Variants in GCN1 observed in about 807,000 individuals in gnomAD.
GCN1 encodes the protein stalled ribosome sensor GCN1.
Under a neutral mutation model 288.4 loss-of-function variants are expected in GCN1, and 90 were observed. The observed-to-expected ratio is 0.31, with a 90% CI of 0.26 to 0.37. The LOEUF (loss-of-function observed/expected upper bound fraction) is 0.37. GCN1 is among the 10% of genes least tolerant of loss of function. GCN1 has a pLI of 1.00. For synonymous variants in GCN1, 1,386 were observed against 1,420.2 expected (o/e 0.98, Z 0.54); for missense variants, 2,586 against 3,419.9 (o/e 0.76, Z 6.08).
chr12:120,161,083 C>A (rs1255533154), intron 22 of GCN1, among the ~76,000 whole-genome samples: 1 of 152,142 alleles, frequency 6.6e-6, no homozygotes, highest in African/African-American at 2.4e-5. Flanking sequence ...CCTGTCAGAA[C>A]CTGCTCTGCC....
chr12:120,162,083 C>T (rs768688841), intron 20 of GCN1, 25 bp from the exon 21 acceptor site: 3 of 1,605,826 alleles, frequency 1.9e-6, no homozygotes, highest in South Asian at 1.1e-5. Flanking sequence ...CAGACATGGT[C>T]AGTGTGTGCC....
rs879838559 is a variant in GCN1, at chr12:120,153,045, C to T, written c.4062+168G>A. On this transcript the variant is annotated intron_variant, in intron 33 of 57. Coordinates refer to ENST00000300648, the MANE Select transcript of GCN1 (RefSeq NM_006836.2). The surrounding 1 kb of genome is among the most constrained non-coding windows in gnomAD (Gnocchi z 4.4). The stretch of plus-strand genomic sequence containing the variant: ...AAGAAACTCCCTCTCCAGGAGTGTT[C>T]CTGACTATAAACCAGGCTCTCCCCT... Among the ~76,000 whole-genome samples the T allele has an allele frequency of 6.6e-6, 1 of 152,148 alleles. No homozygotes were observed. Among genetic ancestry groups the T allele is most frequent in the Non-Finnish European group, 1.5e-5 (1 of 68,032 alleles).
At chr12:120,180,354 C>T (rs1327620969) in intron 5 of GCN1, among the ~76,000 whole-genome samples, 3 of 151,934 alleles carry the variant, frequency 2.0e-5, no homozygotes, top group Non-Finnish European at 2.9e-5. Context: ...CAATGGTTCA[C>T]GCCTGTAATC....
chr12:120,151,578 G>A (rs745845008), intron 33 of GCN1, among the ~76,000 whole-genome samples, 187 bp from the exon 34 acceptor site: 2 of 152,206 alleles, frequency 1.3e-5, no homozygotes, highest in Non-Finnish European at 2.9e-5. Flanking sequence ...ACCTCTGAGG[G>A]TGCACACTAC....
chr12:120,128,204 G>C (rs1205975033), intron 57 of GCN1, among the ~76,000 whole-genome samples: 1 of 152,184 alleles, frequency 6.6e-6, no homozygotes, highest in East Asian at 1.9e-4. Context: ...TTGCCCGGCT[G>C]ATCTTGAATT....
chr12:120,186,253 C>T (rs191175858), intron 2 of GCN1, among the ~76,000 whole-genome samples: 310 of 152,144 alleles, frequency 2.0e-3, no homozygotes, highest in Non-Finnish European at 3.5e-3. Flanking sequence ...GTGGGAGGAT[C>T]ACCTAAGCCT....
Position 120,158,433 on chromosome 12 carries a change from T to C in GCN1, c.2905+27A>G. 6.6e-7 allele frequency: 1 copy of C among 1,524,480 alleles called. No homozygotes were observed. The highest frequency in any genetic ancestry group is 8.8e-7 in the Non-Finnish European group (1 of 1,132,408). 94.4% of individuals were successfully genotyped at this position (1,524,480 alleles called of 1,614,324 possible). On this transcript the variant is annotated intron_variant, in intron 25 of 57. Transcript: ENST00000300648. This position sits in a 1 kb window ranked among gnomAD's most constrained non-coding sequence, Gnocchi z 4.3. ...CCTGGCACCAGCTCACACCGCCTGG[T>C]GCCCCTGATCCCGTCCCAGCCCTTA...
At position 120,136,725 on chromosome 12, in the gene GCN1, G is replaced by T; in HGVS notation, c.6785C>A (p.Thr2262Asn). Residue 2262 changes from threonine to asparagine, a missense_variant, in exon 51 of 58, where the codon ACC becomes AAC. Around this residue, in one of 8 missense-constraint regions of GCN1, gnomAD observed 437 missense variants for 570.5 expected, o/e 0.77. Transcript: ENST00000300648. ...TTCCCGCAACACTGGAAGGATGGAG[G>T]TCACTCCCTGACAAGAGAACCACAA... is the stretch of plus-strand genomic sequence containing the variant. ...PGFCLPKKGV[T>N]SILPVLREGV... 6.2e-7 allele frequency: 1 copy of T among 1,612,106 alleles called. No homozygotes were observed.
intron 57 of GCN1, 83 bp from the exon 58 acceptor site, chr12:120,128,057 T>A (rs541071679): frequency 1.3e-6 from 2 of 1,481,696 alleles, no homozygotes; most frequent in African/African-American, 2.8e-5. Flanking sequence ...CAAAAATGAA[T>A]GTTAACCCCA....
chr12:120,187,434 T>C (rs944522208), intron 2 of GCN1, among the ~76,000 whole-genome samples: 1 of 152,112 alleles, frequency 6.6e-6, no homozygotes. Flanking sequence ...CAGGCTGGTC[T>C]TGAACTCCTG....
intron 11 of GCN1, 108 bp from the exon 12 acceptor site, chr12:120,175,320 A>G: frequency 1.9e-6 from 2 of 1,048,584 alleles, no homozygotes; most frequent in Non-Finnish European, 3.0e-6. Context: ...TGATTCCAGA[A>G]GTAGCCTTTG....
At chr12:120,129,639 C>T (rs1423804232) in intron 56 of GCN1, 145 bp from the exon 57 acceptor site, 8 of 651,490 alleles carry the variant, frequency 1.2e-5, no homozygotes, top group Non-Finnish European at 1.9e-5. Flanking sequence ...ATGACTCGAC[C>T]CTGGTTTCCT....
chr12:120,137,516 G>T lies in GCN1; in HGVS notation c.6663+29C>A, dbSNP rs748887589. On this transcript the variant is annotated intron_variant, in intron 49 of 57. Coordinates refer to ENST00000300648, the MANE Select transcript of GCN1 (RefSeq NM_006836.2). The surrounding 1 kb of genome is among the most constrained non-coding windows in gnomAD (Gnocchi z 5.2). The stretch of plus-strand genomic sequence containing the variant: ...TGTCTGGAATTTTCTAAAAGCAAAA[G>T]TTGGCTGTGGGGTCAGCAGTCCCCT... 1.4e-5 allele frequency: 23 copies of T among 1,605,084 alleles called. No individual in the cohort carries two copies. The East Asian group carries it at 2.2e-4, about 16-fold the overall frequency.
chr12:120,181,698 G>A (rs1314786995), intron 5 of GCN1, among the ~76,000 whole-genome samples: 1 of 151,658 alleles, frequency 6.6e-6, no homozygotes, highest in East Asian at 1.9e-4. Context: ...AACTAGTCGG[G>A]CATGGTGGCA....
chr12:120,168,183 T>G, intron 16 of GCN1, 25 bp downstream of exon 16: 1 of 1,313,458 alleles, frequency 7.6e-7, no homozygotes, highest in Non-Finnish European at 1.1e-6. Context: ...CAATCCCGAG[T>G]TCAACTAAGC....
rs1484622946 is a variant in GCN1, at chr12:120,158,746, C to G, written c.2750-131G>C. The G allele has an allele frequency of 2.7e-6, 2 of 752,350 alleles. No individual in the cohort carries two copies. The highest frequency in any genetic ancestry group is 3.5e-5 in the African/African-American group (2 of 56,492). The allele number at this position is 752,350 out of a possible 1,614,324, so 46.6% of individuals were successfully genotyped here. A position where few individuals can be genotyped will look rare whatever the true frequency, so the allele number is the denominator to read the frequency against. On this transcript the variant is annotated intron_variant, in intron 24 of 57. Coordinates refer to ENST00000300648, the MANE Select transcript of GCN1 (RefSeq NM_006836.2). The surrounding 1 kb of genome is among the most constrained non-coding windows in gnomAD (Gnocchi z 4.3). The stretch of plus-strand genomic sequence containing the variant: ...ATATTTCTGCGGCTGGGCGCGGTGG[C>G]TGATGCCTGTAATCCCAGCACTTTG...
chr12:120,168,408 T>C (rs1878202957), intron 15 of GCN1, 108 bp from the exon 16 acceptor site: 2 of 739,472 alleles, frequency 2.7e-6, no homozygotes, highest in Admixed American at 1.9e-5. Flanking sequence ...AACCCTCCTC[T>C]GCAGCAGGAG....
At chr12:120,133,841 G>A (rs1439690561) in intron 53 of GCN1, among the ~76,000 whole-genome samples, 7 of 152,130 alleles carry the variant, frequency 4.6e-5, no homozygotes, top group South Asian at 2.1e-4. Context: ...AGCCCGAGGC[G>A]GGTGGATCAC....
chr12:120,154,686 T>C (rs189816106), intron 31 of GCN1, among the ~76,000 whole-genome samples: 7 of 152,362 alleles, frequency 4.6e-5, no homozygotes, highest in Non-Finnish European at 1.0e-4. Context: ...TACTTAGAGT[T>C]CATTTTAATT....
Sources: gnomAD v4.1 joint callset for allele counts (sites outside exome capture counted in the v4.1 genomes callset) on GRCh38, gnomAD v4.1.1 for gene constraint, gnomAD v4.1.1 regional missense constraint, Gnocchi (gnomAD v3.1) non-coding constraint, MANE v1.5 for transcripts, NCBI Gene and HGNC (gene_info 2026-07-23, HGNC 2026-07-21) for gene names.